The following STON2 variants were observed in gnomAD, a reference collection of about 807,000 sequenced individuals.
STON2 encodes the protein stonin-2.
In STON2, 29 loss-of-function variants were observed where a neutral mutation model predicts 65.7. The observed-to-expected ratio is 0.44, with a 90% CI of 0.33 to 0.60. The LOEUF is 0.60. STON2 is among the 20% of genes least tolerant of loss of function. The pLI is 0.03. For synonymous variants in STON2, 404 were observed against 414.2 expected (o/e 0.98, Z 0.30); for missense variants, 1,054 against 1,118.1 (o/e 0.94, Z 0.82).
At position 81,263,215 on chromosome 14, in the gene STON2, C is replaced by T; in HGVS notation, c.*5199G>A. ...GCCCATGATGGTTTTGAATGTGGCC[C>T]AAGACAAATTCGTAAACTTTCTTAA... is the stretch of plus-strand genomic sequence containing the variant. On this transcript the variant is annotated 3_prime_UTR_variant, in exon 8 of 8. Coordinates refer to ENST00000614646, the MANE Select transcript of STON2 (RefSeq NM_001394390.1). 1 of 955,306 alleles carries T rather than the reference C, an allele frequency of 1.0e-6. No homozygotes were observed. Among genetic ancestry groups the T allele is most frequent in the Non-Finnish European group, 1.2e-6 (1 of 802,500 alleles). 59.2% of individuals were successfully genotyped at this position (955,306 alleles called of 1,614,324 possible).
chr14:81,297,243 G>T (rs916642057), intron 5 of STON2, among the ~76,000 whole-genome samples: 2 of 152,126 alleles, frequency 1.3e-5, no homozygotes, highest in African/African-American at 2.4e-5. Flanking sequence ...ATACCAAAAT[G>T]ATCTCATTTG....
chr14:81,340,460 C>T (rs1897563425), intron 4 of STON2, among the ~76,000 whole-genome samples: 1 of 152,162 alleles, frequency 6.6e-6, no homozygotes, highest in Non-Finnish European at 1.5e-5. Context: ...CACAATGGCT[C>T]TATAGATCTT....
At chr14:81,302,886 C>A (rs952435609) in intron 5 of STON2, among the ~76,000 whole-genome samples, 1 of 152,216 alleles carries the variant, frequency 6.6e-6, no homozygotes, top group South Asian at 2.1e-4. Context: ...GTGCCGTACA[C>A]AGAATGAACA....
chr14:81,353,870 A>T (rs1898119096), intron 4 of STON2, among the ~76,000 whole-genome samples: 1 of 152,188 alleles, frequency 6.6e-6, no homozygotes, highest in Non-Finnish European at 1.5e-5. Flanking sequence ...GTGGCGCCCT[A>T]TCAGAGTTAC....
At chr14:81,307,463 G>A (rs941774499) in intron 5 of STON2, among the ~76,000 whole-genome samples, 1 of 152,160 alleles carries the variant, frequency 6.6e-6, no homozygotes, top group Admixed American at 6.5e-5. Flanking sequence ...GTATGTAAGA[G>A]CCTGGGCTTC....
chr14:81,303,729 G>T (rs574899909), intron 5 of STON2, among the ~76,000 whole-genome samples: 1 of 152,284 alleles, frequency 6.6e-6, no homozygotes, highest in Non-Finnish European at 1.5e-5. Context: ...AACCCAAGGG[G>T]AGGTATATTT....
Position 81,270,434 on chromosome 14 carries a change from A to G in STON2, c.2784+236T>C, listed in dbSNP as rs1414366598. Reference sequence around the variant, plus strand: ...GCTCATAATGACAGAAAGACATTATATTCTCCTCTTTGATGAGCCTCTTTA... The same window carrying G: ...GCTCATAATGACAGAAAGACATTATGTTCTCCTCTTTGATGAGCCTCTTTA... On this transcript the variant is annotated intron_variant, in intron 7 of 7. Coordinates refer to ENST00000614646, the MANE Select transcript of STON2 (RefSeq NM_001394390.1). 5 of 1,443,542 alleles carry G rather than the reference A, an allele frequency of 3.5e-6. No homozygotes were observed. The African/African-American group carries it at 4.3e-5, about 12-fold the overall frequency. The allele number at this position is 1,443,542 out of a possible 1,614,324, so 89.4% of individuals were successfully genotyped here.
upstream of STON2, among the ~76,000 whole-genome samples, chr14:81,403,586 C>G (rs1900705739): frequency 6.6e-6 from 1 of 152,108 alleles, no homozygotes; most frequent in Non-Finnish European, 1.5e-5. Context: ...CAGAAGCAGG[C>G]ACAACTCAAT....
intron 3 of STON2, among the ~76,000 whole-genome samples, chr14:81,393,552 C>A (rs1382596453): frequency 1.3e-5 from 2 of 152,174 alleles, no homozygotes; most frequent in African/African-American, 2.4e-5. Flanking sequence ...GGTTGAATTC[C>A]CAAAGCCCAC....
At chr14:81,423,655 T>C (rs766714399) in intron 2 of STON2, among the ~76,000 whole-genome samples, 1 of 152,132 alleles carries the variant, frequency 6.6e-6, no homozygotes, top group African/African-American at 2.4e-5. Context: ...AACAGACGCA[T>C]GGGCATAAAA....
At chr14:81,349,454 A>G (rs1359494026) in intron 4 of STON2, among the ~76,000 whole-genome samples, 1 of 152,160 alleles carries the variant, frequency 6.6e-6, no homozygotes, top group African/African-American at 2.4e-5. Context: ...TCAAAAGAAG[A>G]CATACAAATG....
At chr14:81,337,464 G>C (rs989084146) in intron 4 of STON2, among the ~76,000 whole-genome samples, 4 of 152,118 alleles carry the variant, frequency 2.6e-5, no homozygotes, top group Non-Finnish European at 4.4e-5. Flanking sequence ...TTTCAAGTAG[G>C]GTTAAATGCA....
At position 81,398,539 on chromosome 14, in the gene STON2, G is replaced by C. The variant is rs77569360; in HGVS notation, c.-157C>G. ...AAGGGCAGTACTCAGAATGTAGACA[G>C]ATCAGCCTCTCTTGCCGTTGGTTAA... On this transcript the variant is annotated 5_prime_UTR_variant, in exon 2 of 8. In the 5' UTR this introduces an upstream ATG that the reference lacks. Transcript: ENST00000614646. The C allele has an allele frequency of 4.9e-3, 2,466 of 499,340 alleles. 52 individuals are homozygous for C. The highest frequency in any genetic ancestry group is 0.044 in the African/African-American group (2,262 of 50,944). The allele number at this position is 499,340 out of a possible 1,614,324, so 30.9% of individuals were successfully genotyped here.
intron 5 of STON2, among the ~76,000 whole-genome samples, chr14:81,296,615 A>T (rs1056500293): frequency 1.1e-4 from 16 of 152,172 alleles, no homozygotes; most frequent in African/African-American, 3.4e-4. Flanking sequence ...GAGAGAAGTC[A>T]AGCAAAAGAC....
rs112249151 is a variant in STON2, at chr14:81,357,079, T to C, written c.571+13909A>G. On this transcript the variant is annotated intron_variant, in intron 4 of 7. Coordinates refer to ENST00000614646, the MANE Select transcript of STON2 (RefSeq NM_001394390.1). ...CTAATTAAACTAAAGAGCTTCTGCA[T>C]AGCAAAAGAAACTACCATCAGAGTG... Among the ~76,000 whole-genome samples the C allele has an allele frequency of 2.4e-4, 36 of 152,134 alleles. No homozygotes were observed. In the East Asian group the frequency reaches 4.7e-3, roughly 20 times the overall value.
intron 3 of STON2, among the ~76,000 whole-genome samples, chr14:81,379,259 A>T (rs955444115): frequency 4.6e-5 from 7 of 152,218 alleles, no homozygotes; most frequent in Non-Finnish European, 1.0e-4. Flanking sequence ...AATTTAAAGC[A>T]AGACAGTATT....
chr14:81,433,432 T>C (rs1902293326), intron 1 of STON2, among the ~76,000 whole-genome samples: 1 of 152,212 alleles, frequency 6.6e-6, no homozygotes, highest in Admixed American at 6.5e-5. Flanking sequence ...TCCCTGCCAA[T>C]GGATAAAGTC....
At chr14:81,294,833 T>G (rs1229084223) in intron 5 of STON2, among the ~76,000 whole-genome samples, 1 of 152,200 alleles carries the variant, frequency 6.6e-6, no homozygotes, top group Non-Finnish European at 1.5e-5. Flanking sequence ...CCTGCCCTAG[T>G]TCACAGGGTC....
intron 5 of STON2, among the ~76,000 whole-genome samples, chr14:81,281,703 G>T (rs1286432408): frequency 6.6e-6 from 1 of 152,140 alleles, no homozygotes; most frequent in Non-Finnish European, 1.5e-5. Context: ...TGTCCCTACT[G>T]AAGATCATTT....
Sources: allele counts gnomAD v4.1 joint callset (sites outside exome capture counted in the v4.1 genomes callset), GRCh38; gene constraint gnomAD v4.1.1; transcripts MANE v1.5; gene names NCBI Gene and HGNC (gene_info 2026-07-23, HGNC 2026-07-21).